Variants in CHEK1 observed in about 807,000 individuals in gnomAD.
CHEK1 encodes the protein checkpoint kinase 1.
Under a neutral mutation model 60.2 loss-of-function variants are expected in CHEK1, and 32 were observed. The ratio of observed to expected loss-of-function variants is 0.53; its 90% CI spans 0.40 to 0.71. The LOEUF is 0.71. Ranked by LOEUF, CHEK1 falls within the 30% of genes least tolerant of loss-of-function variation. CHEK1 has a pLI of 0.00. For synonymous variants in CHEK1, 179 were observed against 187.2 expected, an observed-to-expected ratio of 0.96 and a Z score of 0.36; for missense variants, 399 against 564.6, an observed-to-expected ratio of 0.71 and a Z score of 2.97.
At chr11:125,635,665 A>T (rs1941045116) in intron 7 of CHEK1, 132 bp downstream of exon 7, 1 of 543,152 alleles carries the variant, frequency 1.8e-6, no homozygotes, top group Admixed American at 3.2e-5. Flanking sequence ...ATAAAATAGT[A>T]ACTATAAGTA....
At chr11:125,671,373 G>A (rs766929361) in intron 13 of CHEK1, 3 of 152,106 alleles carry the variant, frequency 2.0e-5, no homozygotes, top group Non-Finnish European at 4.4e-5. Flanking sequence ...CTGCTTTGGG[G>A]ATTTTATTTT....
rs1450631260 is a variant in CHEK1 at position 125,625,938 on chromosome 11, A to G, written c.-95A>G. The G allele has an allele frequency of 1.4e-6, 1 of 702,620 alleles. No homozygotes were observed. 43.5% of individuals were successfully genotyped at this position (702,620 alleles called of 1,614,324 possible). A position where few individuals can be genotyped will look rare whatever the true frequency, so the allele number is the denominator to read the frequency against. On this transcript the variant is annotated 5_prime_UTR_variant, in exon 1 of 13. Coordinates refer to ENST00000438015, the MANE Select transcript of CHEK1 (RefSeq NM_001114122.3). ...CGGCGCGGGTGCGCGAGTTTGCGGC[A>G]GCGTGACGCCCTCAAGTTTTGGCGG...
intron 8 of CHEK1, among the ~76,000 whole-genome samples, chr11:125,640,949 T>C (rs1941280292): frequency 6.6e-6 from 1 of 152,194 alleles, no homozygotes; most frequent in South Asian, 2.1e-4. Flanking sequence ...AATTGTGTGC[T>C]GTTCTGAGTA....
chr11:125,635,415 T>A lies in CHEK1; in HGVS notation c.614-14T>A. The A allele has an allele frequency of 6.7e-7, 1 of 1,484,180 alleles. No homozygotes were observed. The highest frequency in any genetic ancestry group is 2.2e-5 in the Admixed American group (1 of 44,486). 91.9% of individuals were successfully genotyped at this position (1,484,180 alleles called of 1,614,324 possible). A position where few individuals can be genotyped will look rare whatever the true frequency, so the allele number is the denominator to read the frequency against. ...AAGAACATTTAAAAAAACTGGGACT[T>A]GCTTTGTTTTTAGAATTGCCATGGG... On this transcript the variant is annotated splice_polypyrimidine_tract_variant and intron_variant, in intron 6 of 12. Transcript: ENST00000438015.
intron 7 of CHEK1, among the ~76,000 whole-genome samples, chr11:125,637,151 A>G (rs1380151785): frequency 6.6e-6 from 1 of 152,184 alleles, no homozygotes. Flanking sequence ...GAAAATGGAT[A>G]AGAGGGGTTT....
At chr11:125,640,308 A>G (rs556534257) in intron 8 of CHEK1, among the ~76,000 whole-genome samples, 24 of 151,986 alleles carry the variant, frequency 1.6e-4, no homozygotes, top group East Asian at 3.9e-4. Flanking sequence ...TTGGGAGGCC[A>G]AGGCGGGCGG....
intron 2 of CHEK1, among the ~76,000 whole-genome samples, chr11:125,627,211 C>T (rs1474472175): frequency 6.6e-5 from 10 of 152,196 alleles, no homozygotes; most frequent in Admixed American, 3.9e-4. Flanking sequence ...ACCTCTCCTT[C>T]ACTACCTTTA....
intron 13 of CHEK1, among the ~76,000 whole-genome samples, chr11:125,671,335 G>C (rs1942197909): frequency 6.6e-6 from 1 of 152,000 alleles, no homozygotes; most frequent in African/African-American, 2.4e-5. Flanking sequence ...TTCTGGCCAA[G>C]TTGAAAATTC....
At chr11:125,657,237 GGTT>G (rs778101271), downstream of CHEK1, 11 of 156,126 alleles carry the variant, frequency 7.0e-5, no homozygotes, top group African/African-American at 2.3e-4. Context: ...CAGTGTGTGT[GGTT>G]GTTGAGATAA....
At chr11:125,633,407 G>A in intron 6 of CHEK1, 56 bp downstream of exon 6, 1 of 1,316,696 alleles carries the variant, frequency 7.6e-7, no homozygotes, top group Non-Finnish European at 1.0e-6. Flanking sequence ...TAGTTATACT[G>A]AAATAAATGA....
At chr11:125,669,893 A>G (rs1476347629) in intron 13 of CHEK1, among the ~76,000 whole-genome samples, 1 of 131,892 alleles carries the variant, frequency 7.6e-6, no homozygotes, top group East Asian at 1.9e-4. Context: ...TTATAAGTTT[A>G]TGTTTTTCAC....
intron 13 of CHEK1, chr11:125,672,436 TAGA>T: frequency 5.0e-6 from 4 of 796,700 alleles, no homozygotes; most frequent in South Asian, 1.9e-5. Context: ...AAAGCATGAA[TAGA>T]AGAAGAAAGA....
chr11:125,660,615 AACCAT>A (rs1032310225), downstream of CHEK1, among the ~76,000 whole-genome samples: 3 of 152,214 alleles, frequency 2.0e-5, no homozygotes, highest in African/African-American at 7.2e-5. Flanking sequence ...TAGTGAATTA[AACCAT>A]TTATTTATTT....
intron 11 of CHEK1, among the ~76,000 whole-genome samples, chr11:125,647,120 A>AT (rs1405441184): frequency 6.6e-6 from 1 of 152,184 alleles, no homozygotes; most frequent in Non-Finnish European, 1.5e-5. Flanking sequence ...CTACAGTCTT[A>AT]AAGTTTAGCT....
intron 5 of CHEK1, among the ~76,000 whole-genome samples, chr11:125,631,724 G>A (rs1335729452): frequency 1.3e-5 from 2 of 151,640 alleles, no homozygotes; most frequent in African/African-American, 4.8e-5. Context: ...TAGACATGGT[G>A]GTGCACACCT....
Position 125,633,252 on chromosome 11 carries a change from C to T in CHEK1, c.514C>T (p.Pro172Ser), listed in dbSNP as rs1340501726. 2 of 1,606,938 alleles carry T rather than the reference C, an allele frequency of 1.2e-6. No homozygotes were observed. Among genetic ancestry groups the T allele is most frequent in the African/African-American group, 1.3e-5 (1 of 74,382 alleles). The change falls in exon 6 of 13, where the codon CCA becomes TCA. Residue 172 changes from proline (P) to serine (S), a missense_variant. By Grantham distance (74) the Pro-to-Ser change is moderately conservative. This residue lies in a region of CHEK1 where 370 missense variants were observed against 494.8 expected (regional missense o/e 0.75). Transcript: ENST00000438015. ...RLLNKMCGTLPYVAPELLKRR... is the reference protein window; with the variant it reads ...RLLNKMCGTLSYVAPELLKRR... ...GTTGAACAAGATGTGTGGTACTTTA[C>T]CATATGTTGCTCCAGAACTTCTGAA...
chr11:125,638,099 A>G lies in CHEK1; in HGVS notation c.814+555A>G, dbSNP rs887108049. ...AGGCCAGAGAGGTCGCTAGTGGCCA[A>G]TTTGTGGAAGAAGACCTTGTAAGCC... On this transcript the variant is annotated intron_variant, in intron 8 of 12. Transcript: ENST00000438015. Among the ~76,000 whole-genome samples, 13 of 152,308 alleles carry G rather than the reference A, an allele frequency of 8.5e-5. 1 individual carries two copies. In the East Asian group the frequency reaches 9.6e-4, roughly 11 times the overall value.
At chr11:125,636,417 G>A (rs1321445977) in intron 7 of CHEK1, among the ~76,000 whole-genome samples, 1 of 152,104 alleles carries the variant, frequency 6.6e-6, no homozygotes, top group African/African-American at 2.4e-5. Flanking sequence ...ATAAGTATCT[G>A]TGTAACTTAA....
Position 125,625,752 on chromosome 11 carries a change from T to C in CHEK1, c.-281T>C, listed in dbSNP as rs757499154. On this transcript the variant is annotated 5_prime_UTR_variant, in exon 1 of 13. Coordinates refer to ENST00000438015, the MANE Select transcript of CHEK1 (RefSeq NM_001114122.3). ...CTTCATATTTGGGCCCAGAGCTCAA[T>C]TCGCGCCGATGCGGTCCGCCGTCCT... The C allele has an allele frequency of 8.8e-6, 6 of 682,950 alleles. No individual in the cohort carries two copies. The South Asian group carries it at 9.0e-5, about 10-fold the overall frequency. The allele number at this position is 682,950 out of a possible 1,614,324, so 42.3% of individuals were successfully genotyped here.
Sources: allele counts gnomAD v4.1 joint callset (sites outside exome capture counted in the v4.1 genomes callset), GRCh38; gene constraint gnomAD v4.1.1; regional missense constraint gnomAD v4.1.1; transcripts MANE v1.5; gene names NCBI Gene and HGNC (gene_info 2026-07-23, HGNC 2026-07-21).